TTC17: variants seen among roughly 807,000 people sequenced by gnomAD.
TTC17 encodes the protein tetratricopeptide repeat domain 17.
Under a neutral mutation model 143.8 loss-of-function variants are expected in TTC17, and 58 were observed. The observed-to-expected ratio is 0.40, with a 90% confidence interval of 0.33 to 0.50. TTC17 has a LOEUF of 0.50. Among genes scored for constraint, TTC17 ranks in the 20% least tolerant of loss-of-function variants. The pLI is 0.49. For missense variants in TTC17, 1,273 were observed against 1,392.5 expected, an observed-to-expected ratio of 0.91 and a Z score of 1.37; for synonymous variants, 501 against 497.8, an observed-to-expected ratio of 1.01 and a Z score of -0.09.
intron 16 of TTC17, among the ~76,000 whole-genome samples, chr11:43,428,960 TA>T (rs1324262191): frequency 6.6e-6 from 1 of 152,220 alleles, no homozygotes. Flanking sequence ...ACCATTATTT[TA>T]AAACCTTCTG....
chr11:43,440,408 T>G (rs890979371), intron 16 of TTC17, among the ~76,000 whole-genome samples: 22 of 152,376 alleles, frequency 1.4e-4, no homozygotes, highest in African/African-American at 4.8e-4. Flanking sequence ...TCACAGATTC[T>G]AAACCTATAG....
At position 43,407,559 on chromosome 11, in the gene TTC17, G is replaced by A. The variant is rs1427855552; in HGVS notation, c.2046G>A (p.Leu682=). The part of the protein sequence containing the change: ...LDATKLLLQA[L]AINSSEPLTF... ...CCACTAAGCTGCTACTTCAAGCTTTGGCCATCAATAGCTCTGAGGTGAGGT... is the reference window on the plus strand; with the variant it reads ...CCACTAAGCTGCTACTTCAAGCTTTAGCCATCAATAGCTCTGAGGTGAGGT... Residue 682 remains leucine (L), a synonymous_variant, in exon 15 of 24, where the codon TTG becomes TTA. Transcript: ENST00000039989. 1 of 1,613,768 alleles carries A rather than the reference G, an allele frequency of 6.2e-7. No homozygotes were observed. The highest frequency in any genetic ancestry group is 8.5e-7 in the Non-Finnish European group (1 of 1,179,940).
At position 43,438,536 on chromosome 11, in the gene TTC17, C is replaced by T. The variant is rs1399639684; in HGVS notation, c.2252-4789C>T. ...GAGACAAAGGGACATATTCCTTCTA[C>T]AGTATTGTTATTAAAGATAGTATGT... On this transcript the variant is annotated intron_variant, in intron 16 of 23. Coordinates refer to ENST00000039989, the MANE Select transcript of TTC17 (RefSeq NM_018259.6). Among the ~76,000 whole-genome samples, 7 of 152,186 alleles carry T rather than the reference C, an allele frequency of 4.6e-5. No individual in the cohort carries two copies. In the East Asian group the frequency reaches 1.3e-3, roughly 29 times the overall value.
chr11:43,458,494 T>C (rs1371302496), intron 21 of TTC17, among the ~76,000 whole-genome samples: 2 of 152,152 alleles, frequency 1.3e-5, no homozygotes, highest in Admixed American at 6.5e-5. Flanking sequence ...CAAAGCCAGC[T>C]GAGATTCAAG....
At chr11:43,372,357 C>T (rs1856599782) in intron 1 of TTC17, among the ~76,000 whole-genome samples, 1 of 151,652 alleles carries the variant, frequency 6.6e-6, no homozygotes, top group Admixed American at 6.6e-5. Flanking sequence ...GGCTGGAGTG[C>T]AGTGGCATGA....
intron 2 of TTC17, 113 bp downstream of exon 2, chr11:43,379,435 T>G (rs1405692326): frequency 1.2e-6 from 1 of 869,178 alleles, no homozygotes; most frequent in Non-Finnish European, 1.8e-6. Flanking sequence ...TCTTCTGACT[T>G]TTGCGGGAAT....
chr11:43,457,822 A>G (rs1296636876), intron 21 of TTC17, among the ~76,000 whole-genome samples: 2 of 151,788 alleles, frequency 1.3e-5, no homozygotes, highest in Non-Finnish European at 2.9e-5. Flanking sequence ...TGATGGAAAA[A>G]CTCCAAAGAT....
chr11:43,486,708 C>T (rs1165196590), intron 21 of TTC17, among the ~76,000 whole-genome samples: 1 of 152,110 alleles, frequency 6.6e-6, no homozygotes, highest in African/African-American at 2.4e-5. Flanking sequence ...ATATGTTTTA[C>T]ATAGTTATAT....
chr11:43,447,682 A>T (rs979373658), intron 18 of TTC17: 2 of 208,452 alleles, frequency 9.6e-6, no homozygotes, highest in Admixed American at 5.6e-5. Flanking sequence ...CAAAATACAG[A>T]GGGGCAAAAA....
chr11:43,450,086 A>G lies in TTC17; in HGVS notation c.2791A>G (p.Thr931Ala). ...LAVSSKNIDI[T>A]EHIDFATPIQ... ...GTGGTAATCTCCATTTTTCAGCATC[A>G]CAGAACACATAGATTTTGCCACCCC... Residue 931 changes from threonine to alanine, a missense_variant, in exon 20 of 24, where the codon ACA becomes GCA. This residue lies in a region of TTC17 where 878 missense variants were observed against 899.8 expected (regional missense o/e 0.98). Coordinates refer to ENST00000039989, the MANE Select transcript of TTC17 (RefSeq NM_018259.6). The G allele has an allele frequency of 6.2e-7, 1 of 1,613,550 alleles. No individual in the cohort carries two copies. The highest frequency in any genetic ancestry group is 1.7e-4 in the Middle Eastern group (1 of 6,054).
At chr11:43,414,403 C>CA (rs1946729729) in intron 15 of TTC17, among the ~76,000 whole-genome samples, 187 bp from the exon 16 acceptor site, 1 of 151,646 alleles carries the variant, frequency 6.6e-6, no homozygotes, top group East Asian at 1.9e-4. Context: ...TTTATCTTAG[C>CA]AAAAAAAGTG....
chr11:43,371,719 C>T (rs1856575370), intron 1 of TTC17, among the ~76,000 whole-genome samples: 2 of 152,166 alleles, frequency 1.3e-5, no homozygotes, highest in South Asian at 4.1e-4. Context: ...TTTCCAGGGA[C>T]CTGCCCTGAT....
chr11:43,444,320 C>T, intron 18 of TTC17, 111 bp downstream of exon 18: 1 of 1,100,050 alleles, frequency 9.1e-7, no homozygotes. Flanking sequence ...GATAAAGGGG[C>T]AAAGTGTGGT....
At chr11:43,360,521 G>C (rs775815567) in intron 1 of TTC17, among the ~76,000 whole-genome samples, 2 of 152,138 alleles carry the variant, frequency 1.3e-5, no homozygotes, top group Non-Finnish European at 1.5e-5. Context: ...ATTTTGGGGA[G>C]CCTTTCTCCT....
At chr11:43,472,632 A>G (rs971227157) in intron 21 of TTC17, among the ~76,000 whole-genome samples, 3 of 152,154 alleles carry the variant, frequency 2.0e-5, no homozygotes, top group African/African-American at 7.2e-5. Flanking sequence ...AAATCAGTAA[A>G]AATATAAATC....
chr11:43,406,340 T>G (rs188216385), intron 13 of TTC17, among the ~76,000 whole-genome samples: 1 of 152,294 alleles, frequency 6.6e-6, no homozygotes. Context: ...CTCTCTGGCC[T>G]TATCAACCCT....
At chr11:43,401,009 T>C (rs1011460016) in intron 9 of TTC17, among the ~76,000 whole-genome samples, 7 of 152,234 alleles carry the variant, frequency 4.6e-5, no homozygotes, top group Non-Finnish European at 1.5e-5. Context: ...TCTTTGCTAT[T>C]ATGAGTGTAA....
At chr11:43,420,852 C>T (rs1946886208) in intron 16 of TTC17, among the ~76,000 whole-genome samples, 1 of 152,048 alleles carries the variant, frequency 6.6e-6, no homozygotes, top group Admixed American at 6.6e-5. Context: ...GCTATTCATC[C>T]AGTCATTATA....
chr11:43,471,177 C>G (rs915013580), intron 21 of TTC17, among the ~76,000 whole-genome samples: 2 of 152,186 alleles, frequency 1.3e-5, no homozygotes, highest in African/African-American at 2.4e-5. Context: ...CCTAGACTTG[C>G]ATCAAGCTGC....
Sources: allele counts gnomAD v4.1 joint callset (sites outside exome capture counted in the v4.1 genomes callset), GRCh38; gene constraint gnomAD v4.1.1; regional missense constraint gnomAD v4.1.1; transcripts MANE v1.5; gene names NCBI Gene and HGNC (gene_info 2026-07-23, HGNC 2026-07-21).